Variants in AKAP11 observed in about 807,000 individuals in gnomAD.
The protein encoded by AKAP11 is A-kinase anchor protein 11.
In AKAP11, 36 loss-of-function variants were observed where a neutral mutation model predicts 146.1. The ratio of observed to expected loss-of-function variants is 0.25; its 90% confidence interval spans 0.19 to 0.33. The LOEUF (loss-of-function observed/expected upper bound fraction) is 0.33. Among genes scored for constraint, AKAP11 ranks in the 10% least tolerant of loss-of-function variants. The pLI is 1.00. For synonymous variants in AKAP11, 780 were observed against 786.5 expected (o/e 0.99, Z 0.14); for missense variants, 2,201 against 2,197.0 (o/e 1.00, Z -0.04).
chr13:42,287,967 A>G (rs1360384860), intron 3 of AKAP11, among the ~76,000 whole-genome samples: 2 of 152,188 alleles, frequency 1.3e-5, no homozygotes, highest in Non-Finnish European at 1.5e-5. Context: ...CGTATTGTCC[A>G]TATTAGGCAC....
At chr13:42,308,344 C>T (rs889876471) in intron 8 of AKAP11, 110 bp from the exon 9 acceptor site, 26 of 918,444 alleles carry the variant, frequency 2.8e-5, no homozygotes, top group African/African-American at 5.0e-5. Flanking sequence ...GGTCTGATTC[C>T]GAATACCATT....
chr13:42,279,161 G>A (rs1018369071), intron 1 of AKAP11, among the ~76,000 whole-genome samples: 1 of 151,964 alleles, frequency 6.6e-6, no homozygotes, highest in Admixed American at 6.6e-5. Context: ...CCTTGGTACT[G>A]TCAGTTTACG....
At chr13:42,304,709 C>G (rs1354316239) in intron 8 of AKAP11, among the ~76,000 whole-genome samples, 1 of 151,902 alleles carries the variant, frequency 6.6e-6, no homozygotes, top group Non-Finnish European at 1.5e-5. Flanking sequence ...TCTGGTAGTC[C>G]TACAGTGTCC....
intron 6 of AKAP11, 30 bp from the exon 7 acceptor site, chr13:42,298,503 T>C (rs569765606): frequency 2.2e-5 from 35 of 1,598,888 alleles, no homozygotes; most frequent in Non-Finnish European, 3.0e-5. Flanking sequence ...GAAATTAAAA[T>C]TGTTTTTATT....
rs554008634 is a variant in AKAP11 at position 42,308,331 on chromosome 13, A to G, written c.5118-123A>G. On this transcript the variant is annotated intron_variant, in intron 8 of 12. Coordinates refer to ENST00000025301, the MANE Select transcript of AKAP11 (RefSeq NM_016248.4). ...ACTCAAATAAAGGATTACATGAGCC[A>G]CTGGTCTGATTCCGAATACCATTTC... 2.2e-5 allele frequency: 17 copies of G among 758,120 alleles called. No individual in the cohort carries two copies. In the East Asian group the frequency reaches 3.0e-4, roughly 13 times the overall value. The allele number at this position is 758,120 out of a possible 1,614,324, so 47.0% of individuals were successfully genotyped here.
intron 9 of AKAP11, among the ~76,000 whole-genome samples, chr13:42,309,180 A>G (rs1042689860): frequency 6.6e-6 from 1 of 152,234 alleles, no homozygotes; most frequent in African/African-American, 2.4e-5. Context: ...AACTTTTCTT[A>G]GTTAACTTTG....
chr13:42,299,120 A>G (rs961889756), intron 7 of AKAP11, among the ~76,000 whole-genome samples: 2 of 152,176 alleles, frequency 1.3e-5, no homozygotes, highest in African/African-American at 4.8e-5. Flanking sequence ...TTTTTCTAAC[A>G]TGCGTGACAG....
Position 42,295,726 on chromosome 13 carries a change from A to G in AKAP11, c.200A>G (p.Asp67Gly). 1.9e-6 allele frequency: 3 copies of G among 1,611,088 alleles called. No homozygotes were observed. Among genetic ancestry groups the G allele is most frequent in the African/African-American group, 1.3e-5 (1 of 74,814 alleles). ...TTTCTGGGTTTTAATGAAGAGACAG[A>G]TGCTGCTCATATACAGGTATGGTGA... ...VTFLGFNEETDAAHIQDLAAV... is the reference protein window; with the variant it reads ...VTFLGFNEETGAAHIQDLAAV... Residue 67 changes from aspartate (D) to glycine (G), a missense_variant, in exon 5 of 13, where the codon GAT becomes GGT. By Grantham distance (94) the Asp-to-Gly change is moderately conservative. Transcript: ENST00000025301.
At chr13:42,288,516 C>T (rs991313235) in intron 3 of AKAP11, among the ~76,000 whole-genome samples, 1 of 152,178 alleles carries the variant, frequency 6.6e-6, no homozygotes, top group African/African-American at 2.4e-5. Context: ...ACAACATCTT[C>T]CCACATAACA....
Position 42,301,487 on chromosome 13 carries a change from A to C in AKAP11, c.2741A>C (p.Lys914Thr), listed in dbSNP as rs112176337. ...TDYLTKSLKE[K>T]TPPFSHCDQA... is the part of the protein sequence containing the mutation. ...TATTTAACTAAATCTTTAAAGGAGA[A>C]AACCCCTCCATTTTCCCACTGTGAT... Residue 914 changes from lysine to threonine, a missense_variant, in exon 8 of 13, where the codon AAA becomes ACA. By Grantham distance (78) the Lys-to-Thr change is moderately conservative. This residue lies in a region of AKAP11 where 1,867 missense variants were observed against 1,833.5 expected (regional missense o/e 1.02). Coordinates refer to ENST00000025301, the MANE Select transcript of AKAP11 (RefSeq NM_016248.4). 2 of 1,613,832 alleles carry C rather than the reference A, an allele frequency of 1.2e-6. No individual in the cohort carries two copies. Among genetic ancestry groups the C allele is most frequent in the Admixed American group, 3.3e-5 (2 of 59,966 alleles).
intron 5 of AKAP11, among the ~76,000 whole-genome samples, chr13:42,295,977 T>C (rs865780841): frequency 2.6e-5 from 4 of 152,182 alleles, no homozygotes; most frequent in South Asian, 2.1e-4. Context: ...ATTTAAAAGG[T>C]AAGATTTGTA....
At chr13:42,296,369 A>G (rs1274237307) in intron 5 of AKAP11, among the ~76,000 whole-genome samples, 1 of 152,192 alleles carries the variant, frequency 6.6e-6, no homozygotes, top group Non-Finnish European at 1.5e-5. Context: ...GAGAACATAC[A>G]TAGCTGGAAA....
chr13:42,315,639 C>T lies in AKAP11; in HGVS notation c.5404+1699C>T, dbSNP rs111690012. ...GAAAAAGATTACTTTTGGCACTAAC[C>T]AGGCTGTTAAGGATTTCTTTTGTAG... On this transcript the variant is annotated intron_variant, in intron 11 of 12. Transcript: ENST00000025301. 1.6e-3 allele frequency among the ~76,000 whole-genome samples: 250 copies of T among 152,152 alleles called. 1 individual carries two copies. The highest frequency in any genetic ancestry group is 5.7e-3 in the African/African-American group (238 of 41,518).
chr13:42,303,239 A>G lies in AKAP11; in HGVS notation c.4493A>G (p.Asp1498Gly). 6.2e-7 allele frequency: 1 copy of G among 1,614,048 alleles called. No homozygotes were observed. The change falls in exon 8 of 13, where the codon GAT becomes GGT. Residue 1498 changes from aspartate to glycine, a missense_variant. Physicochemically the swap from Asp to Gly is moderately conservative, Grantham distance 94. Coordinates refer to ENST00000025301, the MANE Select transcript of AKAP11 (RefSeq NM_016248.4). The part of the protein sequence containing the change: ...CLFEKSGYEE[D>G]NECHVTPELP... ...TTTGAAAAATCTGGATATGAAGAAGATAATGAGTGTCACGTTACACCAGAA... is the reference window on the plus strand; with the variant it reads ...TTTGAAAAATCTGGATATGAAGAAGGTAATGAGTGTCACGTTACACCAGAA...
In AKAP11 at chr13:42,302,804, T is replaced by G. The variant is rs775117785; in HGVS notation, c.4058T>G (p.Leu1353Arg). 1.9e-6 allele frequency: 3 copies of G among 1,614,028 alleles called. No homozygotes were observed. Among genetic ancestry groups the G allele is most frequent in the Non-Finnish European group, 2.5e-6 (3 of 1,180,020 alleles). Residue 1353 changes from leucine (L) to arginine (R), a missense_variant, in exon 8 of 13, where the codon CTA (leucine) becomes CGA (arginine). By Grantham distance (102) the Leu-to-Arg change is moderately radical. Around this residue, in one of 3 missense-constraint regions of AKAP11, gnomAD observed 1,867 missense variants for 1,833.5 expected, o/e 1.02. Transcript: ENST00000025301. Reference protein sequence around the residue: ...DEYAGHLIQILKQEGGNSELI... With the variant: ...DEYAGHLIQIRKQEGGNSELI... The stretch of plus-strand genomic sequence containing the variant: ...TATGCAGGTCACCTTATTCAGATAC[T>G]AAAACAGGAAGGTGGTAATAGTGAG...
Position 42,298,807 on chromosome 13 carries a change from T to G in AKAP11, c.616+10T>G. 6.5e-7 allele frequency: 1 copy of G among 1,539,294 alleles called. No individual in the cohort carries two copies. The highest frequency in any genetic ancestry group is 8.6e-7 in the Non-Finnish European group (1 of 1,156,286). ...AAGCCATACAATGATGGTTTGTTTT[T>G]CATTAGACTTTTTCCTAAAATAGGG... On this transcript the variant is annotated intron_variant, in intron 7 of 12. Transcript: ENST00000025301.
intron 9 of AKAP11, among the ~76,000 whole-genome samples, chr13:42,309,717 C>A (rs766155493): frequency 5.9e-5 from 9 of 152,132 alleles, no homozygotes; most frequent in Non-Finnish European, 7.4e-5. Flanking sequence ...TGTCACAAAT[C>A]ATGATTTGGC....
At chr13:42,285,450 C>T (rs1959150224) in intron 1 of AKAP11, among the ~76,000 whole-genome samples, 1 of 152,156 alleles carries the variant, frequency 6.6e-6, no homozygotes, top group African/African-American at 2.4e-5. Context: ...TTTAGTTCCC[C>T]ACTTCTACTC....
At position 42,302,052 on chromosome 13, in the gene AKAP11, A is replaced by C. The variant is rs779284258; in HGVS notation, c.3306A>C (p.Pro1102=). Residue 1102 remains proline, a synonymous_variant, in exon 8 of 13, where the codon CCA becomes CCC. Coordinates refer to ENST00000025301, the MANE Select transcript of AKAP11 (RefSeq NM_016248.4). ...RDRNVIPDTP[P]STPLVPSRAS... is the part of the protein sequence containing the mutation. ...GAAATGTAATACCTGATACTCCTCCATCAACTCCTCTAGTACCATCCCGGG... is the reference window on the plus strand; with the variant it reads ...GAAATGTAATACCTGATACTCCTCCCTCAACTCCTCTAGTACCATCCCGGG... 3.2e-5 allele frequency: 52 copies of C among 1,614,046 alleles called. No homozygotes were observed. In the Admixed American group the frequency reaches 8.5e-4, roughly 26 times the overall value.
Sources: gnomAD v4.1 joint callset for allele counts (sites outside exome capture counted in the v4.1 genomes callset) on GRCh38, gnomAD v4.1.1 for gene constraint, gnomAD v4.1.1 regional missense constraint, MANE v1.5 for transcripts, NCBI Gene and HGNC (gene_info 2026-07-23, HGNC 2026-07-21) for gene names.